Variants in STPG2 observed in about 807,000 individuals in gnomAD.
STPG2 encodes the protein sperm-tail PG-rich repeat-containing protein 2.
In STPG2, 56 loss-of-function variants were observed where a neutral mutation model predicts 54.2. That is an observed-to-expected ratio of 1.03 (90% CI 0.83 to 1.29). STPG2 has a LOEUF of 1.29. Ranked by LOEUF, STPG2 falls within the 50% of genes most tolerant of loss-of-function variation. The probability of loss-of-function intolerance (pLI) is 0.00; values close to 1 mark genes in which losing one functional copy is unlikely to be tolerated. For synonymous variants in STPG2, 200 were observed against 181.8 expected (o/e 1.10, Z -0.81); for missense variants, 596 against 544.9 (o/e 1.09, Z -0.93).
At chr4:97,612,919 A>G (rs1560685465) in intron 10 of STPG2, among the ~76,000 whole-genome samples, 1 of 152,010 alleles carries the variant, frequency 6.6e-6, no homozygotes, top group African/African-American at 2.4e-5. Context: ...AATATATTTT[A>G]TAATAATAAT....
chr4:97,456,302 C>T (rs1729516452), intron 4 of STPG2, among the ~76,000 whole-genome samples: 1 of 152,036 alleles, frequency 6.6e-6, no homozygotes, highest in East Asian at 1.9e-4. Flanking sequence ...GAAGCAAGCA[C>T]ATTTTCACAT....
intron 8 of STPG2, among the ~76,000 whole-genome samples, chr4:97,904,282 G>A (rs1262094525): frequency 6.6e-6 from 1 of 152,210 alleles, no homozygotes; most frequent in Non-Finnish European, 1.5e-5. Context: ...CCTCAAGTGG[G>A]TCCCTGACCC....
intron 4 of STPG2, among the ~76,000 whole-genome samples, chr4:97,539,562 AAAG>A (rs1426692366): frequency 1.3e-5 from 2 of 152,182 alleles, no homozygotes; most frequent in Non-Finnish European, 2.9e-5. Context: ...AGAAACCTAC[AAAG>A]AGACTTAGAC....
chr4:97,553,028 T>C (rs1003807120), intron 4 of STPG2, among the ~76,000 whole-genome samples: 3 of 152,042 alleles, frequency 2.0e-5, no homozygotes, highest in Admixed American at 2.0e-4. Flanking sequence ...TGGATCCTTT[T>C]TTCTGAATAA....
chr4:97,722,840 C>T (rs1053510446), intron 9 of STPG2, among the ~76,000 whole-genome samples: 4 of 149,956 alleles, frequency 2.7e-5, no homozygotes, highest in Non-Finnish European at 4.4e-5. Flanking sequence ...CTCTGTCGCC[C>T]CGGCTGGAGT....
intron 1 of STPG2, 129 bp from the exon 2 acceptor site, chr4:98,134,588 C>A (rs957116535): frequency 2.7e-6 from 1 of 367,990 alleles, no homozygotes; most frequent in Non-Finnish European, 4.9e-6. Flanking sequence ...ACTGTCTAGT[C>A]AGAGAAGTTA....
At chr4:97,682,333 C>CA (rs1723062690) in intron 10 of STPG2, among the ~76,000 whole-genome samples, 3 of 151,700 alleles carry the variant, frequency 2.0e-5, no homozygotes, top group Admixed American at 1.3e-4. Flanking sequence ...TAAGTTTCTT[C>CA]AAAATTAAGG....
intron 8 of STPG2, among the ~76,000 whole-genome samples, chr4:97,843,864 A>G (rs1728869956): frequency 6.6e-6 from 1 of 151,684 alleles, no homozygotes; most frequent in African/African-American, 2.4e-5. Context: ...CTCACTTAAA[A>G]CTCAAGCCTG....
intron 3 of STPG2, 63 bp downstream of exon 3, chr4:98,128,365 A>C (rs1739887394): frequency 7.3e-7 from 1 of 1,365,078 alleles, no homozygotes; most frequent in African/African-American, 1.5e-5. Flanking sequence ...CAGGAAAAAA[A>C]GAAACCCATA....
intron 4 of STPG2, among the ~76,000 whole-genome samples, chr4:97,506,316 A>G (rs1360705071): frequency 6.6e-6 from 1 of 152,034 alleles, no homozygotes; most frequent in African/African-American, 2.4e-5. Flanking sequence ...GATCAACAGT[A>G]CAAAGATGCA....
At chr4:97,925,215 A>T (rs1732287572) in intron 8 of STPG2, among the ~76,000 whole-genome samples, 2 of 152,196 alleles carry the variant, frequency 1.3e-5, no homozygotes, top group Admixed American at 1.3e-4. Flanking sequence ...AGGCAATAGC[A>T]CTCAATCAGG....
At chr4:97,606,821 G>A (rs1733607387) in intron 10 of STPG2, among the ~76,000 whole-genome samples, 1 of 151,758 alleles carries the variant, frequency 6.6e-6, no homozygotes, top group Non-Finnish European at 1.5e-5. Flanking sequence ...TGTAAAAAAT[G>A]CCTATAATTC....
chr4:97,588,127 C>A (rs951132240), intron 10 of STPG2, among the ~76,000 whole-genome samples: 1 of 151,822 alleles, frequency 6.6e-6, no homozygotes, highest in African/African-American at 2.4e-5. Context: ...CCTATAATCC[C>A]AGCACTTTGG....
At chr4:97,742,524 T>TG (rs1725281699) in intron 9 of STPG2, among the ~76,000 whole-genome samples, 3 of 42,926 alleles carry the variant, frequency 7.0e-5, no homozygotes, top group Admixed American at 6.5e-4. Flanking sequence ...ATAAACTGTG[T>TG]GTGTGTGTGT....
chr4:98,142,059 C>A (rs890808203), intron 1 of STPG2, among the ~76,000 whole-genome samples: 1 of 151,556 alleles, frequency 6.6e-6, no homozygotes, highest in Non-Finnish European at 1.5e-5. Flanking sequence ...CACAGGGGGT[C>A]ATTGTTAGCC....
chr4:97,641,305 T>C (rs1352452614), intron 10 of STPG2, among the ~76,000 whole-genome samples: 3 of 151,466 alleles, frequency 2.0e-5, no homozygotes, highest in South Asian at 2.1e-4. Flanking sequence ...CATACACAAA[T>C]AGGCCATATT....
At chr4:98,121,523 T>C (rs1238539698) in intron 3 of STPG2, among the ~76,000 whole-genome samples, 2 of 152,186 alleles carry the variant, frequency 1.3e-5, no homozygotes, top group Non-Finnish European at 2.9e-5. Context: ...TCCATGAACA[T>C]GCAATGTTTT....
chr4:98,142,959 G>GTTTA, intron 1 of STPG2, 83 bp downstream of exon 1: 1 of 1,197,884 alleles, frequency 8.3e-7, no homozygotes, highest in East Asian at 2.5e-5. Flanking sequence ...TCCGCTCTAT[G>GTTTA]TTTAACTCAC....
chr4:98,053,063 T>C lies in STPG2; in HGVS notation c.612+52890A>G, dbSNP rs578214854. Among the ~76,000 whole-genome samples the C allele has an allele frequency of 5.3e-5, 8 of 152,320 alleles. No homozygotes were observed. In the South Asian group the frequency reaches 1.7e-3, roughly 32 times the overall value. ...ATGAAACATTAGAAAACAGTAGTTC[T>C]CAATGGCTGGCTAGTTGGTTAGTTT... On this transcript the variant is annotated intron_variant, in intron 5 of 10. Coordinates refer to ENST00000295268, the MANE Select transcript of STPG2 (RefSeq NM_174952.3).
Sources: gnomAD v4.1 joint callset for allele counts (sites outside exome capture counted in the v4.1 genomes callset) on GRCh38, gnomAD v4.1.1 for gene constraint, MANE v1.5 for transcripts, NCBI Gene and HGNC (gene_info 2026-07-23, HGNC 2026-07-21) for gene names.